The following SNAPC5 variants were observed in gnomAD, a reference collection of about 807,000 sequenced individuals.
SNAPC5 encodes snRNA-activating protein complex subunit 5.
In SNAPC5, 12 loss-of-function variants were observed where a neutral mutation model predicts 9.1. The observed-to-expected ratio is 1.32, with a 90% CI of 0.85 to 2.15. The LOEUF is 2.15. Ranked by LOEUF, SNAPC5 falls within the 30% of genes most tolerant of loss-of-function variation. SNAPC5 has a pLI of 0.00. For synonymous variants in SNAPC5, 52 were observed against 47.3 expected (o/e 1.10, Z -0.41); for missense variants, 132 against 114.4 (o/e 1.15, Z -0.70).
Position 66,494,546 on chromosome 15 carries a change from C to T in SNAPC5, c.187G>A (p.Val63Met), listed in dbSNP as rs1229998954. ...ATTGATGCTTCATTGTCTACATGCA[C>T]CAACATCTGTATTGGCCAAGGGCAT... ...TVPEQSHDMLVHVDNEASINQ... is the reference protein window; with the variant it reads ...TVPEQSHDMLMHVDNEASINQ... Residue 63 changes from valine (V) to methionine (M), a missense_variant, in exon 3 of 3, where the codon GTG becomes ATG. Physicochemically the swap from Val to Met is conservative, Grantham distance 21. Transcript: ENST00000316634. The T allele has an allele frequency of 3.1e-6, 5 of 1,611,998 alleles. No individual in the cohort carries two copies. Among genetic ancestry groups the T allele is most frequent in the Non-Finnish European group, 4.2e-6 (5 of 1,178,330 alleles).
At chr15:66,495,273 C>T (rs1392523702) in intron 2 of SNAPC5, 57 bp downstream of exon 2, 2 of 997,500 alleles carry the variant, frequency 2.0e-6, no homozygotes, top group Non-Finnish European at 3.2e-6. Context: ...ACCCAAGCAG[C>T]ATGGGAGCAG....
rs754815613 is a variant in SNAPC5 at position 66,497,639 on chromosome 15, C to CA, written c.90+2dup. 1 of 1,613,688 alleles carries CA rather than the reference C, an allele frequency of 6.2e-7. No homozygotes were observed. Among genetic ancestry groups the CA allele is most frequent in the African/African-American group, 1.3e-5 (1 of 74,926 alleles). ...GAGGGGCAGGAGAGGGCCGCGGGGT[C>CA]ACCTTGAGGCGGTTCAGCTGGTCGT... On this transcript the variant is annotated splice_region_variant and intron_variant, in intron 1 of 2. Transcript: ENST00000316634.
rs1433545356 is a variant in SNAPC5 at position 66,496,639 on chromosome 15, TCA to T, written c.90+1001_90+1002del. On this transcript the variant is annotated intron_variant, in intron 1 of 2. Coordinates refer to ENST00000316634, the MANE Select transcript of SNAPC5 (RefSeq NM_001329615.2). ...CCTGGACTTTGGCCATCCTCCCACCTCAGTTTCCCAAGTAGCTGGACTACAGG... is the reference window on the plus strand; with the variant it reads ...CCTGGACTTTGGCCATCCTCCCACCTGTTTCCCAAGTAGCTGGACTACAGG... 2.6e-5 allele frequency among the ~76,000 whole-genome samples: 4 copies of T among 151,146 alleles called. No homozygotes were observed. The East Asian group carries it at 7.9e-4, about 30-fold the overall frequency.
At chr15:66,490,645 C>T (rs771041748), downstream of SNAPC5, 2 of 1,565,608 alleles carry the variant, frequency 1.3e-6, no homozygotes, top group Non-Finnish European at 8.8e-7. Flanking sequence ...GAGCGAGTCC[C>T]CTGCCCGGTG....
chr15:66,495,680 T>C (rs1034886996), intron 1 of SNAPC5, among the ~76,000 whole-genome samples: 1 of 152,190 alleles, frequency 6.6e-6, no homozygotes, highest in African/African-American at 2.4e-5. Context: ...TCTACAGACC[T>C]AGCAACTCAA....
At chr15:66,497,531 G>A in intron 1 of SNAPC5, 111 bp downstream of exon 1, 1 of 923,526 alleles carries the variant, frequency 1.1e-6, no homozygotes, top group Non-Finnish European at 1.8e-6. Flanking sequence ...ACCACAGCTA[G>A]TGAGTAGCGG....
At chr15:66,490,137 CTAAG>C (rs751840929), downstream of SNAPC5, 16 of 511,236 alleles carry the variant, frequency 3.1e-5, no homozygotes, top group Non-Finnish European at 5.7e-5. Flanking sequence ...GTGGAAATAG[CTAAG>C]TAATACTGTA....
In SNAPC5 at chr15:66,495,019, AAG is replaced by A. The variant is rs1486403817; in HGVS notation, c.180+309_180+310del. 3 of 395,292 alleles carry A rather than the reference AAG, an allele frequency of 7.6e-6. No homozygotes were observed. The East Asian group carries it at 1.5e-4, about 20-fold the overall frequency. 24.5% of individuals were successfully genotyped at this position (395,292 alleles called of 1,614,324 possible). A position where few individuals can be genotyped will look rare whatever the true frequency, so the allele number is the denominator to read the frequency against. ...CAAGGTTACTTATTCACAAAAAATC[AAG>A]AGTTTTGACATCGTCCTACAAAAAT... On this transcript the variant is annotated intron_variant, in intron 2 of 2. Coordinates refer to ENST00000316634, the MANE Select transcript of SNAPC5 (RefSeq NM_001329615.2).
chr15:66,490,071 C>T, downstream of SNAPC5: 1 of 545,496 alleles, frequency 1.8e-6, no homozygotes, highest in East Asian at 3.2e-5. Flanking sequence ...ACTGCCTCAT[C>T]TTACATTCAG....
At chr15:66,497,380 T>C (rs1166774913) in intron 1 of SNAPC5, 5 of 588,018 alleles carry the variant, frequency 8.5e-6, no homozygotes, top group Non-Finnish European at 1.5e-5. Flanking sequence ...CAGGTAGGAC[T>C]GCACTTGCCA....
At chr15:66,492,060 A>G (rs1427286524), downstream of SNAPC5, 2 of 456,372 alleles carry the variant, frequency 4.4e-6, no homozygotes, top group Non-Finnish European at 8.8e-6. Context: ...GACATTAAGC[A>G]ATGGTTTCCC....
At chr15:66,493,180 A>G (rs1361560291), downstream of SNAPC5, among the ~76,000 whole-genome samples, 1 of 152,208 alleles carries the variant, frequency 6.6e-6, no homozygotes, top group African/African-American at 2.4e-5. Flanking sequence ...TCTGCTTGAC[A>G]TGATTCTTTG....
chr15:66,492,580 T>G (rs982670300), downstream of SNAPC5, among the ~76,000 whole-genome samples: 1 of 152,228 alleles, frequency 6.6e-6, no homozygotes, highest in African/African-American at 2.4e-5. Flanking sequence ...CTACTGAGAA[T>G]GTTTCATTAA....
downstream of SNAPC5, among the ~76,000 whole-genome samples, chr15:66,493,037 A>G (rs1471439429): frequency 6.6e-6 from 1 of 152,146 alleles, no homozygotes; most frequent in East Asian, 1.9e-4. Flanking sequence ...CTGTCTTCCC[A>G]TTGTGTGTTC....
chr15:66,495,606 A>G (rs1893403178), intron 1 of SNAPC5, among the ~76,000 whole-genome samples, 187 bp from the exon 2 acceptor site: 1 of 152,198 alleles, frequency 6.6e-6, no homozygotes, highest in Non-Finnish European at 1.5e-5. Context: ...AGATGAGTAA[A>G]GAAAGACTCT....
Position 66,494,421 on chromosome 15 carries a change from G to A in SNAPC5, c.*15C>T, listed in dbSNP as rs1893356825. 1 of 1,558,906 alleles carries A rather than the reference G, an allele frequency of 6.4e-7. No homozygotes were observed. Among genetic ancestry groups the A allele is most frequent in the South Asian group, 1.1e-5 (1 of 90,062 alleles). The stretch of plus-strand genomic sequence containing the variant: ...TGCAATTTGTATAACTGACCAGCCT[G>A]GCTTTCCCCCTCCTTTAGGAATCTG... On this transcript the variant is annotated 3_prime_UTR_variant, in exon 3 of 3. Transcript: ENST00000316634.
chr15:66,490,422 ACT>A (rs759934995), downstream of SNAPC5: 1 of 1,034,496 alleles, frequency 9.7e-7, no homozygotes, highest in South Asian at 1.3e-5. Context: ...TAGACCTGAA[ACT>A]CTTGGATTTT....
intron 2 of SNAPC5, 181 bp downstream of exon 2, chr15:66,495,149 G>C: frequency 1.6e-6 from 1 of 628,622 alleles, no homozygotes; most frequent in Non-Finnish European, 2.9e-6. Flanking sequence ...TGTATAACTA[G>C]CTGGTAGGAA....
rs1199791864 is a variant in SNAPC5 at position 66,494,166 on chromosome 15, AC to A, written c.*269del. 8.7e-5 allele frequency: 28 copies of A among 322,192 alleles called. No homozygotes were observed. In the Admixed American group the frequency reaches 9.2e-4, roughly 11 times the overall value. 20.0% of individuals were successfully genotyped at this position (322,192 alleles called of 1,614,324 possible). A position where few individuals can be genotyped will look rare whatever the true frequency, so the allele number is the denominator to read the frequency against. On this transcript the variant is annotated 3_prime_UTR_variant, in exon 3 of 3. Transcript: ENST00000316634. ...TATTTCAGAGGAAATTTTGTTCTGA[AC>A]AGTTAACTGAATCTGACCAGATTAC...
Sources: gnomAD v4.1 joint callset for allele counts (sites outside exome capture counted in the v4.1 genomes callset) on GRCh38, gnomAD v4.1.1 for gene constraint, MANE v1.5 for transcripts, NCBI Gene and HGNC (gene_info 2026-07-23, HGNC 2026-07-21) for gene names.